KANK3: variants seen among roughly 807,000 people sequenced by gnomAD.
KANK3 encodes the protein KN motif and ankyrin repeat domain-containing protein 3.
Under a neutral mutation model 65.4 loss-of-function variants are expected in KANK3, and 61 were observed. The observed-to-expected ratio is 0.93, with a 90% confidence interval of 0.76 to 1.15. The LOEUF (loss-of-function observed/expected upper bound fraction) is 1.15, where lower values mean the gene tolerates loss of function less well. KANK3 is among the 50% of genes most tolerant of loss of function. The pLI is 0.00. For missense variants in KANK3, 1,187 were observed against 1,178.8 expected, an observed-to-expected ratio of 1.01 and a Z score of -0.10; for synonymous variants, 586 against 543.3, an observed-to-expected ratio of 1.08 and a Z score of -1.09.
In KANK3 at chr19:8,334,319, C is replaced by G; in HGVS notation, c.1427+1G>C. ...TGCCACAGGAGGGGAAAGGCGCTCA[C>G]TCTCCGTTGAGGACCCCAACAAACT... On this transcript the variant is annotated splice_donor_variant, in intron 4 of 10. Coordinates refer to ENST00000330915, the MANE Select transcript of KANK3 (RefSeq NM_198471.3). LOFTEE classifies it high-confidence loss of function. 1 of 1,614,064 alleles carries G rather than the reference C, an allele frequency of 6.2e-7. No individual in the cohort carries two copies. Among genetic ancestry groups the G allele is most frequent in the Middle Eastern group, 1.7e-4 (1 of 6,060 alleles).
intron 1 of KANK3, among the ~76,000 whole-genome samples, chr19:8,340,291 T>TACACACACACACAC (rs147457593): frequency 2.3e-4 from 21 of 92,780 alleles, no homozygotes; most frequent in African/African-American, 9.3e-4. Flanking sequence ...TATATATATA[T>TACACACACACACAC]ACACACACAC....
At chr19:8,339,622 A>G (rs1446849905) in intron 1 of KANK3, among the ~76,000 whole-genome samples, 7 of 152,088 alleles carry the variant, frequency 4.6e-5, no homozygotes, top group Non-Finnish European at 8.8e-5. Context: ...GGCATCCCAA[A>G]GTGCTGGGAT....
rs989984277 is a variant in KANK3, at chr19:8,342,298, G to C, written c.-29+927C>G. Among the ~76,000 whole-genome samples the C allele has an allele frequency of 8.5e-5, 13 of 152,252 alleles. 1 individual carries two copies. Among genetic ancestry groups the C allele is most frequent in the Admixed American group, 8.5e-4 (13 of 15,270 alleles). ...ATGAACCACCAAGGAGCCTCAGGGG[G>C]CTTGTCCCTCCCAGCCTACACCTGT... On this transcript the variant is annotated intron_variant, in intron 1 of 10. Coordinates refer to ENST00000330915, the MANE Select transcript of KANK3 (RefSeq NM_198471.3).
In KANK3 at chr19:8,322,760, C is replaced by A; in HGVS notation, c.*79G>T. On this transcript the variant is annotated 3_prime_UTR_variant, in exon 11 of 11. Transcript: ENST00000330915. ...TAGCCTCTGAGCAGGGGACCCTGGA[C>A]CCTTCTGTGCGCCAAAGGCTGAGGT... is the stretch of plus-strand genomic sequence containing the variant. 1 of 1,100,084 alleles carries A rather than the reference C, an allele frequency of 9.1e-7. No homozygotes were observed. Among genetic ancestry groups the A allele is most frequent in the Non-Finnish European group, 1.4e-6 (1 of 738,156 alleles). The allele number at this position is 1,100,084 out of a possible 1,614,324, so 68.1% of individuals were successfully genotyped here.
chr19:8,337,758 C>G, intron 2 of KANK3, 37 bp downstream of exon 2: 1 of 1,602,598 alleles, frequency 6.2e-7, no homozygotes, highest in Non-Finnish European at 8.5e-7. Flanking sequence ...TCTGTGCATG[C>G]GCACACACAC....
chr19:8,332,184 G>GT (rs1321264819), intron 7 of KANK3, among the ~76,000 whole-genome samples: 1 of 150,570 alleles, frequency 6.6e-6, no homozygotes, highest in Non-Finnish European at 1.5e-5. Flanking sequence ...GTTTTGTTTT[G>GT]TTTTTGTTTC....
chr19:8,339,823 A>C (rs1456733577), intron 1 of KANK3, among the ~76,000 whole-genome samples: 1 of 152,026 alleles, frequency 6.6e-6, no homozygotes, highest in Non-Finnish European at 1.5e-5. Flanking sequence ...AATTAGCTGG[A>C]TGTGTTGGCA....
intron 2 of KANK3, 142 bp from the exon 3 acceptor site, chr19:8,335,934 T>G: frequency 1.8e-6 from 1 of 560,574 alleles, no homozygotes; most frequent in East Asian, 3.5e-5. Flanking sequence ...GCTTGTTTAA[T>G]GAGCACCTAC....
chr19:8,335,111 G>T lies in KANK3; in HGVS notation c.716C>A (p.Thr239Lys), dbSNP rs1421780270. 7.8e-7 allele frequency: 1 copy of T among 1,280,090 alleles called. No homozygotes were observed. 79.3% of individuals were successfully genotyped at this position (1,280,090 alleles called of 1,614,324 possible). ...AQPEPDGEAETRPDKLAQLRR... is the reference protein window; with the variant it reads ...AQPEPDGEAEKRPDKLAQLRR... ...CAGCTGGGCGAGCTTGTCCGGGCGCGTCTCAGCCTCCCCGTCCGGCTCGGG... is the reference window on the plus strand; with the variant it reads ...CAGCTGGGCGAGCTTGTCCGGGCGCTTCTCAGCCTCCCCGTCCGGCTCGGG... Residue 239 changes from threonine to lysine, a missense_variant, in exon 3 of 11, where the codon ACG becomes AAG. By Grantham distance (78) the Thr-to-Lys change is moderately conservative. Around this residue, in one of 3 missense-constraint regions of KANK3, gnomAD observed 1,078 missense variants for 1,038.2 expected, o/e 1.04. Transcript: ENST00000330915.
intron 8 of KANK3, 26 bp from the exon 9 acceptor site, chr19:8,324,856 C>G (rs772770810): frequency 1.2e-6 from 2 of 1,604,218 alleles, no homozygotes; most frequent in African/African-American, 2.7e-5. Context: ...GAAGAGGGAA[C>G]AGGCTGGGGT....
chr19:8,334,124 C>G lies in KANK3; in HGVS notation c.1428-8G>C. On this transcript the variant is annotated splice_polypyrimidine_tract_variant and splice_region_variant and intron_variant, in intron 4 of 10. Transcript: ENST00000330915. ...CTGGAGGAGCTCTCGTACCTGGGGGCAGGGTGGGAGGTGTCTGCTAAACCT... is the reference window on the plus strand; with the variant it reads ...CTGGAGGAGCTCTCGTACCTGGGGGGAGGGTGGGAGGTGTCTGCTAAACCT... 6.6e-7 allele frequency: 1 copy of G among 1,507,826 alleles called. No individual in the cohort carries two copies. 93.4% of individuals were successfully genotyped at this position (1,507,826 alleles called of 1,614,324 possible).
In KANK3 at chr19:8,335,751, C is replaced by A; in HGVS notation, c.76G>T (p.Gly26Cys). 1 of 1,244,602 alleles carries A rather than the reference C, an allele frequency of 8.0e-7. No individual in the cohort carries two copies. The highest frequency in any genetic ancestry group is 1.0e-6 in the Non-Finnish European group (1 of 990,224). 77.1% of individuals were successfully genotyped at this position (1,244,602 alleles called of 1,614,324 possible). Residue 26 changes from glycine to cysteine, a missense_variant, in exon 3 of 11, where the codon GGC (glycine) becomes TGC (cysteine). By Grantham distance (159) the Gly-to-Cys change is radical (BLOSUM62 -3). This residue lies in a region of KANK3 where 104 missense variants were observed against 122.1 expected (regional missense o/e 0.85). Coordinates refer to ENST00000330915, the MANE Select transcript of KANK3 (RefSeq NM_198471.3). ...PRLCPVPAAG[G>C]ARSPSSPYSV... ...TAGGGCGAGCTCGGGCTGCGTGCGC[C>A]CCCGGCGGCGGGGACCGGGCACAGG...
rs1369872099 is a variant in KANK3 at position 8,333,941 on chromosome 19, C to T, written c.1603G>A (p.Glu535Lys). 7 of 1,573,076 alleles carry T rather than the reference C, an allele frequency of 4.4e-6. No homozygotes were observed. Among genetic ancestry groups the T allele is most frequent in the Non-Finnish European group, 6.0e-6 (7 of 1,162,932 alleles). Residue 535 changes from glutamate (E) to lysine (K), a missense_variant, in exon 5 of 11, where the codon GAG (glutamate) becomes AAG (lysine). Glu to Lys is a moderately conservative substitution (Grantham distance 56, BLOSUM62 1). This residue lies in a region of KANK3 where 1,078 missense variants were observed against 1,038.2 expected (regional missense o/e 1.04). Coordinates refer to ENST00000330915, the MANE Select transcript of KANK3 (RefSeq NM_198471.3). This position sits in a 1 kb window ranked among gnomAD's most constrained non-coding sequence, Gnocchi z 5.0. ...GDIRDPEPEA[E>K]AEPQQVAQGR... The stretch of plus-strand genomic sequence containing the variant: ...TGTGCCACCTGCTGAGGCTCTGCCT[C>T]CGCCTCGGGCTCAGGGTCCCGGATG...
At chr19:8,339,963 C>CAAAAAAAAAA (rs59020478) in intron 1 of KANK3, among the ~76,000 whole-genome samples, 28 of 95,712 alleles carry the variant, frequency 2.9e-4, no homozygotes, top group East Asian at 6.3e-4. Flanking sequence ...GACCTTGTCT[C>CAAAAAAAAAA]AAAAAAAAAA....
chr19:8,341,403 AT>A lies in KANK3; in HGVS notation c.-29+1821del, dbSNP rs1304751191. ...CTACACCTGGCTAATTCAGGCTAAT[AT>A]TTTAAATTTTTTGGTTTTTTGTTTT... is the stretch of plus-strand genomic sequence containing the variant. On this transcript the variant is annotated intron_variant, in intron 1 of 10. Coordinates refer to ENST00000330915, the MANE Select transcript of KANK3 (RefSeq NM_198471.3). Among the ~76,000 whole-genome samples the A allele has an allele frequency of 7.3e-5, 11 of 151,350 alleles. No individual in the cohort carries two copies. The East Asian group carries it at 2.1e-3, about 29-fold the overall frequency.
chr19:8,340,235 C>G (rs11667076), intron 1 of KANK3, among the ~76,000 whole-genome samples: 18,767 of 123,190 alleles, frequency 0.15, 1,490 homozygotes, highest in African/African-American at 0.25. Context: ...GCACTCCAGC[C>G]TGGGGGACAG....
Position 8,335,074 on chromosome 19 carries a change from G to A in KANK3, c.753C>T (p.Thr251=). The change falls in exon 3 of 11, where the codon ACC becomes ACT. Residue 251 remains threonine (T), a synonymous_variant. Transcript: ENST00000330915. ...PDKLAQLRRL[T]ERLATSERGG... ...CGCGCTCGGAGGTGGCCAGGCGCTCGGTGAGCCGCCGCAGCTGGGCGAGCT... is the reference window on the plus strand; with the variant it reads ...CGCGCTCGGAGGTGGCCAGGCGCTCAGTGAGCCGCCGCAGCTGGGCGAGCT... 1 of 1,316,588 alleles carries A rather than the reference G, an allele frequency of 7.6e-7. No individual in the cohort carries two copies. Among genetic ancestry groups the A allele is most frequent in the Non-Finnish European group, 9.6e-7 (1 of 1,038,184 alleles). The allele number at this position is 1,316,588 out of a possible 1,614,324, so 81.6% of individuals were successfully genotyped here.
At chr19:8,341,963 A>C (rs1024706516) in intron 1 of KANK3, among the ~76,000 whole-genome samples, 7 of 152,190 alleles carry the variant, frequency 4.6e-5, no homozygotes, top group Non-Finnish European at 1.0e-4. Context: ...CAGGTCTTCC[A>C]GAGTCCTTGC....
chr19:8,334,475 G>T (rs1330642284), intron 3 of KANK3, 25 bp downstream of exon 3: 1 of 1,608,830 alleles, frequency 6.2e-7, no homozygotes, highest in Non-Finnish European at 8.5e-7. Flanking sequence ...GTAAGCCAGG[G>T]CCCAGCGACG....
Sources: allele counts gnomAD v4.1 joint callset (sites outside exome capture counted in the v4.1 genomes callset), GRCh38; gene constraint gnomAD v4.1.1; regional missense constraint gnomAD v4.1.1; non-coding constraint Gnocchi (gnomAD v3.1); transcripts MANE v1.5; gene names NCBI Gene and HGNC (gene_info 2026-07-23, HGNC 2026-07-21).